Variants in SORL1 observed in about 807,000 individuals in gnomAD.
SORL1 encodes the protein sortilin related receptor 1.
In SORL1, 127 loss-of-function variants were observed where a neutral mutation model predicts 273.7. The observed-to-expected ratio is 0.46, with a 90% CI of 0.40 to 0.54. The LOEUF (loss-of-function observed/expected upper bound fraction) is 0.54, where lower values mean the gene tolerates loss of function less well. SORL1 is among the 20% of genes least tolerant of loss of function. SORL1 has a pLI of 0.00. For missense variants in SORL1, 2,494 were observed against 2,846.1 expected, an observed-to-expected ratio of 0.88 and a Z score of 2.81; for synonymous variants, 1,031 against 1,067.4, an observed-to-expected ratio of 0.97 and a Z score of 0.66.
rs574083284 is a variant in SORL1, at chr11:121,591,289, C to G, written c.4369+133C>G. Reference sequence around the variant, plus strand: ...GGACTCTGCTGTGTGGCCAGGTTGCCTGTTACTAATGGTGTACCTCCAGGG... The same window carrying G: ...GGACTCTGCTGTGTGGCCAGGTTGCGTGTTACTAATGGTGTACCTCCAGGG... On this transcript the variant is annotated intron_variant, in intron 31 of 47. Transcript: ENST00000260197. The G allele has an allele frequency of 5.0e-5, 43 of 863,730 alleles. No individual in the cohort carries two copies. The African/African-American group carries it at 5.4e-4, about 11-fold the overall frequency. 53.5% of individuals were successfully genotyped at this position (863,730 alleles called of 1,614,324 possible). A position where few individuals can be genotyped will look rare whatever the true frequency, so the allele number is the denominator to read the frequency against.
chr11:121,557,563 G>C (rs1465030463), intron 19 of SORL1, among the ~76,000 whole-genome samples, 158 bp downstream of exon 19: 1 of 152,178 alleles, frequency 6.6e-6, no homozygotes, highest in Non-Finnish European at 1.5e-5. Context: ...TAGTCATCGT[G>C]GTCAGGTAAC....
At position 121,554,174 on chromosome 11, in the gene SORL1, C is replaced by A; in HGVS notation, c.2439+65C>A. 6.9e-7 allele frequency: 1 copy of A among 1,440,854 alleles called. No homozygotes were observed. The highest frequency in any genetic ancestry group is 1.2e-5 in the South Asian group (1 of 80,630). The allele number at this position is 1,440,854 out of a possible 1,614,324, so 89.3% of individuals were successfully genotyped here. A position where few individuals can be genotyped will look rare whatever the true frequency, so the allele number is the denominator to read the frequency against. Reference sequence around the variant, plus strand: ...GTGACTGCCCTGTCCTGATAAGCTGCATGCAGAATGGCCTATGGAAATGGG... The same window carrying A: ...GTGACTGCCCTGTCCTGATAAGCTGAATGCAGAATGGCCTATGGAAATGGG... On this transcript the variant is annotated intron_variant, in intron 17 of 47. Transcript: ENST00000260197. This position sits in a 1 kb window ranked among gnomAD's most constrained non-coding sequence, Gnocchi z 4.6.
chr11:121,506,365 T>C (rs1273673826), intron 6 of SORL1, among the ~76,000 whole-genome samples: 2 of 152,146 alleles, frequency 1.3e-5, no homozygotes, highest in Non-Finnish European at 2.9e-5. Context: ...TATAATGGAC[T>C]TACAGTTCCA....
chr11:121,579,287 A>C (rs573589209), intron 25 of SORL1, among the ~76,000 whole-genome samples: 45 of 152,320 alleles, frequency 3.0e-4, no homozygotes, highest in Admixed American at 9.1e-4. Flanking sequence ...CTGTCATCTC[A>C]AAATAGTTGG....
chr11:121,524,409 C>T (rs1245585427), intron 11 of SORL1, among the ~76,000 whole-genome samples: 3 of 152,246 alleles, frequency 2.0e-5, no homozygotes, highest in African/African-American at 4.8e-5. Flanking sequence ...TCCCTCCACA[C>T]GTGCCTTGTC....
chr11:121,522,571 A>G lies in SORL1; in HGVS notation c.1405-15A>G. On this transcript the variant is annotated splice_polypyrimidine_tract_variant and intron_variant, in intron 9 of 47. Coordinates refer to ENST00000260197, the MANE Select transcript of SORL1 (RefSeq NM_003105.6). ...GTATCATGTGCTGACACTGCCTGAA[A>G]CTTTGGTTGTATAGCTTTCCCAGGG... 1 of 1,597,382 alleles carries G rather than the reference A, an allele frequency of 6.3e-7. No individual in the cohort carries two copies. The highest frequency in any genetic ancestry group is 8.6e-7 in the Non-Finnish European group (1 of 1,164,884).
intron 40 of SORL1, among the ~76,000 whole-genome samples, chr11:121,613,984 T>G (rs1283568975): frequency 6.6e-6 from 1 of 152,244 alleles, no homozygotes; most frequent in Admixed American, 6.5e-5. Context: ...TTTCTCCATC[T>G]TACAAACAAG....
intron 8 of SORL1, among the ~76,000 whole-genome samples, chr11:121,514,944 A>C (rs1319344322): frequency 1.3e-5 from 2 of 151,998 alleles, no homozygotes; most frequent in African/African-American, 4.8e-5. Context: ...ATTTATTCTG[A>C]TTTGTCGTTT....
At chr11:121,586,687 G>T (rs1481181352) in intron 27 of SORL1, among the ~76,000 whole-genome samples, 1 of 38,544 alleles carries the variant, frequency 2.6e-5, no homozygotes, top group Non-Finnish European at 7.1e-5. Context: ...ATCACTGGGG[G>T]TAGAGTGGGG....
chr11:121,489,648 A>T (rs1591297574), intron 4 of SORL1, among the ~76,000 whole-genome samples: 1 of 152,224 alleles, frequency 6.6e-6, no homozygotes, highest in African/African-American at 2.4e-5. Flanking sequence ...TTGCTTCCAC[A>T]TTTTAGCTGT....
At chr11:121,545,933 A>G (rs978508857) in intron 14 of SORL1, among the ~76,000 whole-genome samples, 1 of 152,260 alleles carries the variant, frequency 6.6e-6, no homozygotes, top group Non-Finnish European at 1.5e-5. Flanking sequence ...CACAGGAGAT[A>G]GAAGAGAGCA....
chr11:121,522,815 G>A (rs1862061233), intron 10 of SORL1, 101 bp from the exon 11 acceptor site: 11 of 1,370,998 alleles, frequency 8.0e-6, no homozygotes, highest in South Asian at 1.2e-5. Context: ...TGGTTTGAAA[G>A]CATTCTTAGT....
At chr11:121,491,882 G>C (rs1316674382) in intron 5 of SORL1, among the ~76,000 whole-genome samples, 1 of 152,124 alleles carries the variant, frequency 6.6e-6, no homozygotes, top group South Asian at 2.1e-4. Context: ...ATTTCTCTCA[G>C]ATTAAATGTC....
chr11:121,557,221 G>A (rs1862600993), intron 18 of SORL1, 93 bp from the exon 19 acceptor site: 7 of 910,312 alleles, frequency 7.7e-6, no homozygotes, highest in Non-Finnish European at 1.3e-5. Flanking sequence ...GAGGGGGCAT[G>A]TCTGTAGCAG....
At chr11:121,504,628 A>G (rs1191231528) in intron 6 of SORL1, among the ~76,000 whole-genome samples, 2 of 152,290 alleles carry the variant, frequency 1.3e-5, no homozygotes, top group East Asian at 1.9e-4. Flanking sequence ...GTTGTCTGCT[A>G]AAAGAGACAA....
At position 121,614,790 on chromosome 11, in the gene SORL1, TAAAAAAG is replaced by T; in HGVS notation, c.5420-80_5420-74del. On this transcript the variant is annotated intron_variant, in intron 40 of 47. Transcript: ENST00000260197. ...AAGTCAAGAGATTACTATTTTTTTT[TAAAAAAG>T]TGCATGTACCAAGACACGTTCTTGA... 15 of 1,114,588 alleles carry T rather than the reference TAAAAAAG, an allele frequency of 1.3e-5. No homozygotes were observed. In the Admixed American group the frequency reaches 1.4e-4, roughly 11 times the overall value. 69.0% of individuals were successfully genotyped at this position (1,114,588 alleles called of 1,614,324 possible). A position where few individuals can be genotyped will look rare whatever the true frequency, so the allele number is the denominator to read the frequency against.
chr11:121,611,298 AT>A (rs1294928595), intron 39 of SORL1, 140 bp downstream of exon 39: 1 of 597,734 alleles, frequency 1.7e-6, no homozygotes, highest in East Asian at 2.8e-5. Flanking sequence ...TGAAGCTAAA[AT>A]ACCAGGACTA....
chr11:121,558,950 G>C, intron 20 of SORL1, 113 bp downstream of exon 20: 3 of 1,378,364 alleles, frequency 2.2e-6, no homozygotes, highest in Non-Finnish European at 2.9e-6. Flanking sequence ...CTTAAAGGTT[G>C]CCTTTTTTCC....
intron 11 of SORL1, among the ~76,000 whole-genome samples, chr11:121,524,139 A>G (rs146752079): frequency 1.7e-4 from 26 of 152,336 alleles, no homozygotes; most frequent in African/African-American, 5.1e-4. Flanking sequence ...TTTGAATGGA[A>G]ATTTTCGGGT....
Sources: allele counts gnomAD v4.1 joint callset (sites outside exome capture counted in the v4.1 genomes callset), GRCh38; gene constraint gnomAD v4.1.1; non-coding constraint Gnocchi (gnomAD v3.1); transcripts MANE v1.5; gene names NCBI Gene and HGNC (gene_info 2026-07-23, HGNC 2026-07-21).